Variants in BMERB1 observed in about 807,000 individuals in gnomAD.
BMERB1 encodes the protein bMERB domain-containing protein 1.
In BMERB1, 12 loss-of-function variants were observed where a neutral mutation model predicts 23.6. The observed-to-expected ratio is 0.51, with a 90% confidence interval of 0.33 to 0.82. The LOEUF (loss-of-function observed/expected upper bound fraction) is 0.82. Ranked by LOEUF, BMERB1 falls within the 40% of genes least tolerant of loss-of-function variation. The pLI is 0.03. For synonymous variants in BMERB1, 122 were observed against 96.6 expected, an observed-to-expected ratio of 1.26 and a Z score of -1.54; for missense variants, 247 against 255.4, an observed-to-expected ratio of 0.97 and a Z score of 0.22.
intron 1 of BMERB1, among the ~76,000 whole-genome samples, chr16:15,513,096 C>T (rs2051692498): frequency 6.6e-6 from 1 of 151,878 alleles, no homozygotes; most frequent in African/African-American, 2.4e-5. Context: ...CATCTCCTGC[C>T]CCGAGTCTCC....
chr16:15,440,874 G>T (rs2150920637), intron 1 of BMERB1, among the ~76,000 whole-genome samples: 1 of 152,266 alleles, frequency 6.6e-6, no homozygotes, highest in African/African-American at 2.4e-5. Flanking sequence ...CAAGTAAGAT[G>T]GTTTAGGTCA....
chr16:15,435,270 G>C (rs2050878375), intron 1 of BMERB1, among the ~76,000 whole-genome samples: 1 of 152,148 alleles, frequency 6.6e-6, no homozygotes, highest in Admixed American at 6.5e-5. Flanking sequence ...CCTTCCTTGG[G>C]TCGGGGTGGG....
intron 1 of BMERB1, among the ~76,000 whole-genome samples, chr16:15,485,697 T>G (rs1333679105): frequency 1.3e-5 from 2 of 151,060 alleles, no homozygotes; most frequent in African/African-American, 2.4e-5. Context: ...CATTTGTGGG[T>G]TTTTTCCCCC....
chr16:15,545,692 C>G (rs2052127201), intron 2 of BMERB1, among the ~76,000 whole-genome samples: 1 of 152,144 alleles, frequency 6.6e-6, no homozygotes, highest in African/African-American at 2.4e-5. Flanking sequence ...ATCCCTCCAT[C>G]CTTTTATCTC....
rs1031534996 is a variant in BMERB1 at position 15,588,169 on chromosome 16, C to T, written c.*1340C>T. ...CATCGTTGACATCATATTGTGGTATCATTTATAACCAGTTTTTTCCTACTT... is the reference window on the plus strand; with the variant it reads ...CATCGTTGACATCATATTGTGGTATTATTTATAACCAGTTTTTTCCTACTT... On this transcript the variant is annotated 3_prime_UTR_variant, in exon 6 of 6. Coordinates refer to ENST00000300006, the MANE Select transcript of BMERB1 (RefSeq NM_033201.3). 6.6e-6 allele frequency: 1 copy of T among 152,032 alleles called. No individual in the cohort carries two copies. Among genetic ancestry groups the T allele is most frequent in the South Asian group, 2.1e-4 (1 of 4,834 alleles). The allele number at this position is 152,032 out of a possible 1,614,324, so 9.4% of individuals were successfully genotyped here.
At chr16:15,504,898 GCGGCTGTGACCCAA>G (rs1198874211) in intron 1 of BMERB1, among the ~76,000 whole-genome samples, 5 of 151,776 alleles carry the variant, frequency 3.3e-5, no homozygotes, top group African/African-American at 1.2e-4. Flanking sequence ...CCTAAATGCA[GCGGCTGTGACCCAA>G]GTATATTCCA....
intron 2 of BMERB1, among the ~76,000 whole-genome samples, chr16:15,547,669 CT>C (rs1241303304): frequency 2.6e-5 from 4 of 152,028 alleles, no homozygotes; most frequent in Non-Finnish European, 5.9e-5. Flanking sequence ...TAATGTTTAA[CT>C]TAACCACACA....
intron 2 of BMERB1, 116 bp from the exon 3 acceptor site, chr16:15,567,867 A>G (rs75121198): frequency 0.02 from 16,938 of 849,724 alleles, 266 homozygotes; most frequent in Non-Finnish European, 0.024. Flanking sequence ...ATGAGCATGT[A>G]TGGCCTCTTC....
intron 1 of BMERB1, among the ~76,000 whole-genome samples, chr16:15,476,162 T>A (rs1404890337): frequency 2.4e-4 from 2 of 8,166 alleles, no homozygotes; most frequent in Non-Finnish European, 0.01. Context: ...GTCATTCACT[T>A]TTTTTTTTTT....
At chr16:15,579,972 A>G (rs1596404129) in intron 3 of BMERB1, among the ~76,000 whole-genome samples, 1 of 152,188 alleles carries the variant, frequency 6.6e-6, no homozygotes, top group East Asian at 1.9e-4. Context: ...GGTTTATTAC[A>G]TAGGTAAACG....
chr16:15,466,424 TC>T (rs2051181253), intron 1 of BMERB1, among the ~76,000 whole-genome samples: 1 of 152,208 alleles, frequency 6.6e-6, no homozygotes, highest in South Asian at 2.1e-4. Context: ...CCTTTTTTTT[TC>T]TATTGTGTTG....
chr16:15,570,549 A>G (rs2030698262), intron 3 of BMERB1, among the ~76,000 whole-genome samples: 1 of 152,030 alleles, frequency 6.6e-6, no homozygotes, highest in East Asian at 1.9e-4. Flanking sequence ...CCTCTCCGCT[A>G]CCCCTCAATG....
At chr16:15,450,853 T>A (rs764776270) in intron 1 of BMERB1, among the ~76,000 whole-genome samples, 1 of 152,160 alleles carries the variant, frequency 6.6e-6, no homozygotes, top group Non-Finnish European at 1.5e-5. Flanking sequence ...CCAACCACCA[T>A]TTGTGGCTTT....
At position 15,519,040 on chromosome 16, in the gene BMERB1, CTT is replaced by C. The variant is rs1385808890; in HGVS notation, c.230+3614_230+3615del. Among the ~76,000 whole-genome samples, 5 of 150,582 alleles carry C rather than the reference CTT, an allele frequency of 3.3e-5. No homozygotes were observed. The East Asian group carries it at 9.9e-4, about 30-fold the overall frequency. ...TTTGTCAAATGTGCAATAAATTATT[CTT>C]TCTCACTCCATCCTTACCCCAACAA... On this transcript the variant is annotated intron_variant, in intron 2 of 5. Coordinates refer to ENST00000300006, the MANE Select transcript of BMERB1 (RefSeq NM_033201.3).
intron 2 of BMERB1, among the ~76,000 whole-genome samples, chr16:15,535,599 G>C (rs2052016993): frequency 6.8e-6 from 1 of 147,160 alleles, no homozygotes; most frequent in South Asian, 2.1e-4. Context: ...GCAGTGAGCT[G>C]AGATCGTGCC....
intron 2 of BMERB1, among the ~76,000 whole-genome samples, chr16:15,552,734 G>C (rs1567495884): frequency 1.3e-5 from 2 of 152,220 alleles, no homozygotes; most frequent in South Asian, 4.1e-4. Context: ...AATGTCTCTT[G>C]AAAGTGAAAA....
At chr16:15,549,278 G>A (rs531681402) in intron 2 of BMERB1, among the ~76,000 whole-genome samples, 5 of 150,164 alleles carry the variant, frequency 3.3e-5, no homozygotes, top group Non-Finnish European at 5.9e-5. Context: ...GGTGGAGGTT[G>A]CAGTAAGCCC....
chr16:15,443,291 A>T (rs993384829), intron 1 of BMERB1, among the ~76,000 whole-genome samples: 3 of 151,518 alleles, frequency 2.0e-5, no homozygotes, highest in Non-Finnish European at 2.9e-5. Flanking sequence ...GGTGGCTCTC[A>T]TGTGTAATCC....
At chr16:15,451,527 A>T (rs932847170) in intron 1 of BMERB1, among the ~76,000 whole-genome samples, 1 of 148,010 alleles carries the variant, frequency 6.8e-6, no homozygotes, top group Non-Finnish European at 1.5e-5. Context: ...GTGTGTATGT[A>T]CATACTGGGT....
Sources: allele counts gnomAD v4.1 joint callset (sites outside exome capture counted in the v4.1 genomes callset), GRCh38; gene constraint gnomAD v4.1.1; transcripts MANE v1.5; gene names NCBI Gene and HGNC (gene_info 2026-07-23, HGNC 2026-07-21).